SPAG16: variants seen among roughly 807,000 people sequenced by gnomAD.
SPAG16 encodes sperm associated antigen 16, also known as sperm-associated antigen 16 protein.
In SPAG16, 86 loss-of-function variants were observed where a neutral mutation model predicts 80.4. That is an observed-to-expected ratio of 1.07 (90% CI 0.90 to 1.28). The LOEUF (loss-of-function observed/expected upper bound fraction) is 1.28. Ranked by LOEUF, SPAG16 falls within the 50% of genes most tolerant of loss-of-function variation. The pLI is 0.00. For synonymous variants in SPAG16, 294 were observed against 265.9 expected (o/e 1.11, Z -1.03); for missense variants, 870 against 765.3 (o/e 1.14, Z -1.61).
At chr2:213,956,631 A>G (rs2044156190) in intron 12 of SPAG16, among the ~76,000 whole-genome samples, 1 of 151,888 alleles carries the variant, frequency 6.6e-6, no homozygotes, top group African/African-American at 2.4e-5. Context: ...TATTTTTAGT[A>G]GAGATGGGGT....
Position 214,160,572 on chromosome 2 carries a change from C to T in SPAG16, c.1720+11306C>T, listed in dbSNP as rs575616490. ...AACTTATTAATCTCCTTTTATGTGC[C>T]GTTCCTACTTTCATTCTTTCCCATT... On this transcript the variant is annotated intron_variant, in intron 15 of 15. Coordinates refer to ENST00000331683, the MANE Select transcript of SPAG16 (RefSeq NM_024532.5). Among the ~76,000 whole-genome samples the T allele has an allele frequency of 5.3e-5, 8 of 151,676 alleles. 1 individual carries two copies. In the East Asian group the frequency reaches 1.2e-3, roughly 22 times the overall value.
chr2:213,329,952 G>A (rs79514642), intron 5 of SPAG16, among the ~76,000 whole-genome samples: 2,209 of 152,300 alleles, frequency 0.015, 47 homozygotes, highest in African/African-American at 0.049. Flanking sequence ...TCAGAGGATC[G>A]AAACCCAAAG....
chr2:213,289,893 C>T (rs2062201001), intron 1 of SPAG16, among the ~76,000 whole-genome samples: 2 of 152,202 alleles, frequency 1.3e-5, no homozygotes, highest in African/African-American at 4.8e-5. Context: ...GTGGAAGAGA[C>T]CAGTGTGTAA....
intron 15 of SPAG16, among the ~76,000 whole-genome samples, chr2:214,174,528 G>A (rs978797543): frequency 2.0e-5 from 3 of 151,920 alleles, no homozygotes; most frequent in Non-Finnish European, 2.9e-5. Flanking sequence ...TACAAGGGAC[G>A]TGAAGAGAAG....
intron 12 of SPAG16, 21 bp downstream of exon 12, chr2:213,930,166 T>C (rs770012874): frequency 6.9e-6 from 11 of 1,597,136 alleles, no homozygotes; most frequent in Non-Finnish European, 9.4e-6. Flanking sequence ...CTTTAAACAT[T>C]ACTAATCCTC....
At chr2:214,142,175 C>G (rs1053078153) in intron 14 of SPAG16, among the ~76,000 whole-genome samples, 2 of 152,066 alleles carry the variant, frequency 1.3e-5, no homozygotes, top group Non-Finnish European at 2.9e-5. Flanking sequence ...TAGAGTACAT[C>G]CTATCTATAG....
chr2:213,699,048 A>T (rs1362372568), intron 10 of SPAG16, among the ~76,000 whole-genome samples: 2 of 151,996 alleles, frequency 1.3e-5, no homozygotes, highest in Non-Finnish European at 2.9e-5. Flanking sequence ...CTACCATGGA[A>T]CTTCTCTTTT....
intron 10 of SPAG16, among the ~76,000 whole-genome samples, chr2:213,750,344 C>T (rs946112107): frequency 3.3e-5 from 5 of 152,082 alleles, no homozygotes; most frequent in Admixed American, 2.0e-4. Context: ...AGAGTTACAT[C>T]GAAATATGTA....
At chr2:213,481,303 T>C (rs1026847910) in intron 9 of SPAG16, among the ~76,000 whole-genome samples, 2 of 152,254 alleles carry the variant, frequency 1.3e-5, no homozygotes, top group African/African-American at 4.8e-5. Context: ...TTCATTCATT[T>C]TCAAAGTAAA....
At chr2:213,433,276 TA>T (rs2125494107) in intron 9 of SPAG16, among the ~76,000 whole-genome samples, 1 of 152,268 alleles carries the variant, frequency 6.6e-6, no homozygotes, top group South Asian at 2.1e-4. Context: ...GAGAAAGAAT[TA>T]AAAGGCATCC....
chr2:214,164,499 G>A (rs2125612762), intron 15 of SPAG16, among the ~76,000 whole-genome samples: 1 of 152,090 alleles, frequency 6.6e-6, no homozygotes, highest in East Asian at 1.9e-4. Flanking sequence ...TGCTTTTTGT[G>A]AGTGAGATTG....
intron 15 of SPAG16, among the ~76,000 whole-genome samples, chr2:214,163,099 A>G (rs2056513171): frequency 1.3e-5 from 2 of 152,108 alleles, no homozygotes; most frequent in Admixed American, 6.6e-5. Flanking sequence ...AATGGTAACT[A>G]ATTTATCCAT....
chr2:213,900,565 T>C (rs997986161), intron 11 of SPAG16, among the ~76,000 whole-genome samples: 2 of 152,176 alleles, frequency 1.3e-5, no homozygotes, highest in African/African-American at 4.8e-5. Context: ...TAAAATTCTT[T>C]CATCTCTCCT....
At chr2:214,214,487 T>G (rs2058378670) in intron 15 of SPAG16, among the ~76,000 whole-genome samples, 1 of 152,146 alleles carries the variant, frequency 6.6e-6, no homozygotes, top group Non-Finnish European at 1.5e-5. Flanking sequence ...TACTGAAAAC[T>G]TCCCTTAATT....
At chr2:214,217,422 C>T (rs2058459619) in intron 15 of SPAG16, among the ~76,000 whole-genome samples, 1 of 152,184 alleles carries the variant, frequency 6.6e-6, no homozygotes, top group Non-Finnish European at 1.5e-5. Context: ...TTGAAAGCAC[C>T]TATGTGACCC....
intron 13 of SPAG16, among the ~76,000 whole-genome samples, chr2:214,101,233 A>G (rs1008233180): frequency 6.6e-6 from 1 of 152,100 alleles, no homozygotes; most frequent in African/African-American, 2.4e-5. Context: ...CTTTATACAT[A>G]GGGTTCACGG....
chr2:213,328,636 G>T (rs545266160), intron 5 of SPAG16, among the ~76,000 whole-genome samples: 1 of 152,276 alleles, frequency 6.6e-6, no homozygotes, highest in African/African-American at 2.4e-5. Flanking sequence ...GAGGTCTTGT[G>T]TACCTGAGCC....
At chr2:213,865,267 C>G (rs1416824848) in intron 11 of SPAG16, among the ~76,000 whole-genome samples, 1 of 151,872 alleles carries the variant, frequency 6.6e-6, no homozygotes, top group Non-Finnish European at 1.5e-5. Flanking sequence ...ATAAATTATA[C>G]AATCCATAAT....
intron 10 of SPAG16, among the ~76,000 whole-genome samples, chr2:213,706,955 C>T (rs985066796): frequency 6.6e-6 from 1 of 152,140 alleles, no homozygotes; most frequent in African/African-American, 2.4e-5. Flanking sequence ...GTCCTCACAA[C>T]AAGGTGGCTA....
Sources: gnomAD v4.1 joint callset for allele counts (sites outside exome capture counted in the v4.1 genomes callset) on GRCh38, gnomAD v4.1.1 for gene constraint, MANE v1.5 for transcripts, NCBI Gene and HGNC (gene_info 2026-07-23, HGNC 2026-07-21) for gene names.